The following UNKL variants were observed in gnomAD, a reference collection of about 807,000 sequenced individuals.
The protein encoded by UNKL is putative E3 ubiquitin-protein ligase UNKL.
In UNKL, 60 loss-of-function variants were observed where a neutral mutation model predicts 78.0. The ratio of observed to expected loss-of-function variants is 0.77; its 90% CI spans 0.63 to 0.95. UNKL has a LOEUF of 0.95. UNKL is among the 40% of genes least tolerant of loss of function. The probability of loss-of-function intolerance (pLI) is 0.00; values close to 1 mark genes in which losing one functional copy is unlikely to be tolerated. For synonymous variants in UNKL, 608 were observed against 474.8 expected, an observed-to-expected ratio of 1.28 and a Z score of -3.65; for missense variants, 1,159 against 1,045.7, an observed-to-expected ratio of 1.11 and a Z score of -1.49.
At chr16:1,368,072 G>A (rs113400241) in intron 12 of UNKL, 45 of 507,194 alleles carry the variant, frequency 8.9e-5, no homozygotes, top group African/African-American at 1.8e-4. Flanking sequence ...TGCCCCGGCC[G>A]GTCTCCCCAC....
Position 1,399,727 on chromosome 16 carries a change from G to A in UNKL, c.599-218C>T, listed in dbSNP as rs1004173878. 6.6e-6 allele frequency among the ~76,000 whole-genome samples: 1 copy of A among 152,216 alleles called. No homozygotes were observed. Among genetic ancestry groups the A allele is most frequent in the Non-Finnish European group, 1.5e-5 (1 of 68,042 alleles). On this transcript the variant is annotated intron_variant, in intron 4 of 14. Transcript: ENST00000389221. The surrounding 1 kb of genome is among the most constrained non-coding windows in gnomAD (Gnocchi z 5.8). ...GGCCACGTGGTGTGATTCTGTTTAT[G>A]TGAAAATGCCCAGAACTAGGGAACC...
Position 1,366,232 on chromosome 16 carries a change from C to CG in UNKL, c.*7dup, listed in dbSNP as rs1567193521. 6.5e-7 allele frequency: 1 copy of CG among 1,533,248 alleles called. No individual in the cohort carries two copies. The allele number at this position is 1,533,248 out of a possible 1,614,324, so 95.0% of individuals were successfully genotyped here. On this transcript the variant is annotated 3_prime_UTR_variant, in exon 15 of 15. Coordinates refer to ENST00000389221, the MANE Select transcript of UNKL (RefSeq NM_001372107.1). ...GTGCCCAGCAGGAGGTGGCTGTCCC[C>CG]GCTGAGGTCACCACTGCAGGGGCTG... is the stretch of plus-strand genomic sequence containing the variant.
At chr16:1,371,495 G>A (rs2035836405) in intron 11 of UNKL, 24 bp downstream of exon 11, 30 of 1,534,246 alleles carry the variant, frequency 2.0e-5, no homozygotes, top group Non-Finnish European at 2.6e-5. Context: ...GAGGAGCAGG[G>A]CCCCAGGTCC....
Position 1,363,312 on chromosome 16 carries a change from C to CTG in UNKL, c.*2927_*2928insCA. ...GTAAAAAAATTTAAACAAGTGTTAA[C>CTG]TTTAAACAGTTCGCTACAAGTAAAT... On this transcript the variant is annotated 3_prime_UTR_variant, in exon 15 of 15. Coordinates refer to ENST00000389221, the MANE Select transcript of UNKL (RefSeq NM_001372107.1). 1 of 567,132 alleles carries CTG rather than the reference C, an allele frequency of 1.8e-6. No homozygotes were observed. Among genetic ancestry groups the CTG allele is most frequent in the South Asian group, 2.0e-5 (1 of 50,848 alleles). The allele number at this position is 567,132 out of a possible 1,614,324, so 35.1% of individuals were successfully genotyped here. A position where few individuals can be genotyped will look rare whatever the true frequency, so the allele number is the denominator to read the frequency against.
chr16:1,398,679 G>GCCGCCCCCCCCC, intron 5 of UNKL: 1 of 1,356,268 alleles, frequency 7.4e-7, no homozygotes, highest in Non-Finnish European at 9.5e-7. Flanking sequence ...TGTGGGGTCT[G>GCCGCCCCCCCCC]CACCCCCCCA....
At position 1,413,961 on chromosome 16, in the gene UNKL, G is replaced by A; in HGVS notation, c.172C>T (p.Leu58Phe). ...RPFTCFHWHF[L>F]NQRRRRPLRR... is the part of the protein sequence containing the mutation. ...AGGGGCCTGCGGCGCCGCTGGTTGAGGAAGTGCCAGTGGAAGCAGGTGAAC... is the reference window on the plus strand; with the variant it reads ...AGGGGCCTGCGGCGCCGCTGGTTGAAGAAGTGCCAGTGGAAGCAGGTGAAC... Residue 58 changes from leucine to phenylalanine, a missense_variant, in exon 2 of 15, where the codon CTC becomes TTC. Coordinates refer to ENST00000389221, the MANE Select transcript of UNKL (RefSeq NM_001372107.1). 6.4e-7 allele frequency: 1 copy of A among 1,552,890 alleles called. No individual in the cohort carries two copies. The highest frequency in any genetic ancestry group is 8.7e-7 in the Non-Finnish European group (1 of 1,148,160).
At chr16:1,391,239 TACACAC>T (rs142620901) in intron 8 of UNKL, among the ~76,000 whole-genome samples, 9 of 10,360 alleles carry the variant, frequency 8.7e-4, no homozygotes, top group Admixed American at 2.6e-3. Flanking sequence ...CCCTTAAAGA[TACACAC>T]ACACACACAC....
rs1189183608 is a variant in UNKL, at chr16:1,363,574, CT to C, written c.*2665del. 4.5e-6 allele frequency: 1 copy of C among 222,290 alleles called. No individual in the cohort carries two copies. The highest frequency in any genetic ancestry group is 2.3e-5 in the African/African-American group (1 of 42,822). 13.8% of individuals were successfully genotyped at this position (222,290 alleles called of 1,614,324 possible). A position where few individuals can be genotyped will look rare whatever the true frequency, so the allele number is the denominator to read the frequency against. On this transcript the variant is annotated 3_prime_UTR_variant, in exon 15 of 15. Transcript: ENST00000389221. ...ACATGCAGAGCCGGCCGCCAGCCAG[CT>C]CCTACGCCCCGTGCCCGCCATGGCC... is the stretch of plus-strand genomic sequence containing the variant.
At chr16:1,369,376 T>C (rs2035593914) in intron 12 of UNKL, among the ~76,000 whole-genome samples, 3 of 147,096 alleles carry the variant, frequency 2.0e-5, no homozygotes, top group Admixed American at 6.8e-5. Flanking sequence ...CTTTTTCTCT[T>C]TTTTTTTTTT....
rs1368575277 is a variant in UNKL, at chr16:1,397,184, A to G, written c.846T>C (p.His282=). ...YCHSRTEQQF[H]PEIYKSTKCN... Reference sequence around the variant, plus strand: ...GGGGGTTGGAGGGACGTACCTCGGGATGGAACTGCTGCTCCGTGCGGGAGT... The same window carrying G: ...GGGGGTTGGAGGGACGTACCTCGGGGTGGAACTGCTGCTCCGTGCGGGAGT... The change falls in exon 6 of 15, where the codon CAT becomes CAC. Residue 282 remains histidine, a synonymous_variant. Transcript: ENST00000389221. 2 of 1,547,522 alleles carry G rather than the reference A, an allele frequency of 1.3e-6. No homozygotes were observed. The highest frequency in any genetic ancestry group is 2.4e-5 in the South Asian group (2 of 83,996).
chr16:1,386,321 G>A (rs919537852), intron 9 of UNKL, among the ~76,000 whole-genome samples: 1 of 152,224 alleles, frequency 6.6e-6, no homozygotes, highest in African/African-American at 2.4e-5. Context: ...GGGAGGCCGA[G>A]GTGGGCAGAT....
At position 1,410,981 on chromosome 16, in the gene UNKL, TGCA is replaced by T. The variant is rs1272555193; in HGVS notation, c.287+2862_287+2864del. On this transcript the variant is annotated intron_variant, in intron 2 of 14. Transcript: ENST00000389221. ...TGTGGTGGTTTGCACCTATAATCCC[TGCA>T]CGTTGGAGAGGCCAAGGTGGGAAGA... Among the ~76,000 whole-genome samples, 4 of 152,060 alleles carry T rather than the reference TGCA, an allele frequency of 2.6e-5. No homozygotes were observed. The East Asian group carries it at 7.7e-4, about 29-fold the overall frequency.
At chr16:1,372,346 C>G (rs1456955281) in intron 10 of UNKL, among the ~76,000 whole-genome samples, 1 of 152,084 alleles carries the variant, frequency 6.6e-6, no homozygotes, top group Non-Finnish European at 1.5e-5. Flanking sequence ...AATTTCATGC[C>G]AAGCACCAAG....
chr16:1,393,103 G>A (rs1356520825), intron 7 of UNKL, 127 bp from the exon 8 acceptor site: 6 of 960,772 alleles, frequency 6.2e-6, no homozygotes, highest in East Asian at 2.6e-5. Context: ...TCAGGGGTGC[G>A]GCAGAGGACG....
In UNKL at chr16:1,367,902, G is replaced by A. The variant is rs547616191; in HGVS notation, c.1586-44C>T. 91 of 1,495,100 alleles carry A rather than the reference G, an allele frequency of 6.1e-5. 1 individual carries two copies. In the African/African-American group the frequency reaches 8.4e-4, roughly 14 times the overall value. 92.6% of individuals were successfully genotyped at this position (1,495,100 alleles called of 1,614,324 possible). A position where few individuals can be genotyped will look rare whatever the true frequency, so the allele number is the denominator to read the frequency against. On this transcript the variant is annotated intron_variant, in intron 12 of 14. Coordinates refer to ENST00000389221, the MANE Select transcript of UNKL (RefSeq NM_001372107.1). ...ATGACGGCCCAGCCCTGCTGTGCTC[G>A]CGGCCTGGTGGGATTGGTGGGTGCT...
intron 12 of UNKL, 117 bp from the exon 13 acceptor site, chr16:1,367,975 C>G: frequency 2.1e-6 from 2 of 939,556 alleles, no homozygotes; most frequent in Non-Finnish European, 3.2e-6. Flanking sequence ...GGCTCACCTG[C>G]CCTGGCAGCA....
rs1268545528 is a variant in UNKL at position 1,403,913 on chromosome 16, T to C, written c.288-569A>G. Reference sequence around the variant, plus strand: ...GGCGTGGTGGGGAACACAGGTGAGGTAGCATCACCATCCCATGGGCCACCT... The same window carrying C: ...GGCGTGGTGGGGAACACAGGTGAGGCAGCATCACCATCCCATGGGCCACCT... On this transcript the variant is annotated intron_variant, in intron 2 of 14. Transcript: ENST00000389221. This position sits in a 1 kb window ranked among gnomAD's most constrained non-coding sequence, Gnocchi z 4.8. Among the ~76,000 whole-genome samples, 1 of 151,788 alleles carries C rather than the reference T, an allele frequency of 6.6e-6. No individual in the cohort carries two copies. Among genetic ancestry groups the C allele is most frequent in the African/African-American group, 2.4e-5 (1 of 41,300 alleles).
Position 1,413,902 on chromosome 16 carries a change from G to C in UNKL, c.231C>G (p.Pro77=), listed in dbSNP as rs769619539. 1.9e-6 allele frequency: 3 copies of C among 1,558,902 alleles called. No homozygotes were observed. Among genetic ancestry groups the C allele is most frequent in the East Asian group, 4.8e-5 (2 of 41,378 alleles). Residue 77 remains proline, a synonymous_variant, in exon 2 of 15, where the codon CCC becomes CCG. Transcript: ENST00000389221. The part of the protein sequence containing the change: ...RRRDGTFNYS[P]DVYCSKYNEA... The stretch of plus-strand genomic sequence containing the variant: ...CGTTGTACTTGGAGCAGTACACGTC[G>C]GGGCTGTAGTTGAAGGTGCCGTCGC...
chr16:1,389,028 C>T (rs1274794184), intron 9 of UNKL, among the ~76,000 whole-genome samples: 2 of 152,246 alleles, frequency 1.3e-5, no homozygotes, highest in Non-Finnish European at 2.9e-5. Flanking sequence ...CAGCCGGAAG[C>T]TCTGACCCCG....
Sources: allele counts gnomAD v4.1 joint callset (sites outside exome capture counted in the v4.1 genomes callset), GRCh38; gene constraint gnomAD v4.1.1; non-coding constraint Gnocchi (gnomAD v3.1); transcripts MANE v1.5; gene names NCBI Gene and HGNC (gene_info 2026-07-23, HGNC 2026-07-21).